The following ZNF423 variants were observed in gnomAD, a reference collection of about 807,000 sequenced individuals.
ZNF423 encodes the protein zinc finger protein 423.
In ZNF423, 12 loss-of-function variants were observed where a neutral mutation model predicts 95.8. That is an observed-to-expected ratio of 0.13 (90% CI 0.08 to 0.20). The LOEUF is 0.20. ZNF423 is among the 10% of genes least tolerant of loss of function. ZNF423 has a pLI of 1.00. For synonymous variants in ZNF423, 749 were observed against 711.9 expected (o/e 1.05, Z -0.83); for missense variants, 1,316 against 1,737.1 (o/e 0.76, Z 4.31).
intron 3 of ZNF423, among the ~76,000 whole-genome samples, chr16:49,705,748 A>G (rs913441652): frequency 6.6e-5 from 10 of 151,880 alleles, no homozygotes; most frequent in Admixed American, 4.6e-4. Context: ...GGGTTTCGCC[A>G]TGTTGGCTGG....
intron 2 of ZNF423, among the ~76,000 whole-genome samples, chr16:49,755,171 A>C (rs1301490091): frequency 6.6e-6 from 1 of 152,306 alleles, no homozygotes; most frequent in Non-Finnish European, 1.5e-5. Context: ...TGGAGCCAGA[A>C]TGCAAGACAG....
At chr16:49,565,545 C>T (rs1167922776) in intron 5 of ZNF423, among the ~76,000 whole-genome samples, 1 of 152,160 alleles carries the variant, frequency 6.6e-6, no homozygotes, top group African/African-American at 2.4e-5. Context: ...AGGAAGCAGG[C>T]TCAGCTTTGT....
chr16:49,538,535 T>A (rs1969136342), intron 5 of ZNF423, among the ~76,000 whole-genome samples: 1 of 152,170 alleles, frequency 6.6e-6, no homozygotes, highest in African/African-American at 2.4e-5. Flanking sequence ...ACAGCCATCA[T>A]TTCCCTCTCC....
chr16:49,737,432 G>A (rs768742873), intron 2 of ZNF423, among the ~76,000 whole-genome samples: 3 of 152,162 alleles, frequency 2.0e-5, no homozygotes, highest in Non-Finnish European at 2.9e-5. Context: ...ATCATGCCTG[G>A]CTAATTTTCA....
intron 1 of ZNF423, among the ~76,000 whole-genome samples, chr16:49,841,445 A>G (rs947622552): frequency 7.2e-5 from 11 of 152,222 alleles, no homozygotes; most frequent in Non-Finnish European, 1.5e-4. Flanking sequence ...TCCCCACCTC[A>G]GCAGTCAAAA....
At chr16:49,772,287 C>G (rs2034049262) in intron 2 of ZNF423, among the ~76,000 whole-genome samples, 1 of 152,256 alleles carries the variant, frequency 6.6e-6, no homozygotes, top group Admixed American at 6.5e-5. Flanking sequence ...TTCATTCTAT[C>G]CGGACCATCA....
At chr16:49,687,798 AT>A (rs1225085712) in intron 3 of ZNF423, among the ~76,000 whole-genome samples, 2 of 152,066 alleles carry the variant, frequency 1.3e-5, no homozygotes, top group Non-Finnish European at 2.9e-5. Flanking sequence ...CGTGCCTTTC[AT>A]TTCCCTCCCT....
At chr16:49,770,527 C>T (rs1326072990) in intron 2 of ZNF423, among the ~76,000 whole-genome samples, 4 of 151,998 alleles carry the variant, frequency 2.6e-5, no homozygotes, top group Admixed American at 1.3e-4. Context: ...AGCATGTGGT[C>T]GTCATAGGCT....
At chr16:49,804,343 C>T (rs1046243497) in intron 1 of ZNF423, among the ~76,000 whole-genome samples, 2 of 152,124 alleles carry the variant, frequency 1.3e-5, no homozygotes, top group Admixed American at 1.3e-4. Context: ...TCTTAAAAGT[C>T]CATGGGTCTC....
At chr16:49,786,205 G>C (rs1206282228) in intron 2 of ZNF423, among the ~76,000 whole-genome samples, 3 of 152,230 alleles carry the variant, frequency 2.0e-5, no homozygotes, top group Non-Finnish European at 4.4e-5. Flanking sequence ...TTCCCTGCCA[G>C]GCAAGGCCAG....
chr16:49,505,532 C>A (rs1024518933), intron 7 of ZNF423, among the ~76,000 whole-genome samples: 1 of 152,054 alleles, frequency 6.6e-6, no homozygotes, highest in Non-Finnish European at 1.5e-5. Context: ...TGGCCCAGCC[C>A]CCTTGCTGAC....
intron 5 of ZNF423, among the ~76,000 whole-genome samples, chr16:49,621,173 G>A (rs865913294): frequency 2.2e-4 from 34 of 152,178 alleles, no homozygotes; most frequent in African/African-American, 6.3e-4. Flanking sequence ...GGGTCAACCC[G>A]GCAGGAGGCC....
intron 1 of ZNF423, among the ~76,000 whole-genome samples, chr16:49,794,437 CCA>C (rs1477563634): frequency 1.3e-5 from 2 of 152,144 alleles, no homozygotes; most frequent in African/African-American, 4.8e-5. Context: ...TTGAGAATGG[CCA>C]CAGGCATTTT....
chr16:49,598,461 G>A (rs1216327744), intron 5 of ZNF423, among the ~76,000 whole-genome samples: 2 of 152,230 alleles, frequency 1.3e-5, no homozygotes, highest in Non-Finnish European at 2.9e-5. Context: ...CATTCCTGGG[G>A]GCAGAAGCAG....
At chr16:49,625,461 C>T (rs1015788481) in intron 5 of ZNF423, among the ~76,000 whole-genome samples, 3 of 152,180 alleles carry the variant, frequency 2.0e-5, no homozygotes, top group Non-Finnish European at 4.4e-5. Flanking sequence ...CCCAGGGTAC[C>T]AGGCTTCTTG....
At chr16:49,508,018 C>T (rs1209590194) in intron 7 of ZNF423, among the ~76,000 whole-genome samples, 1 of 152,132 alleles carries the variant, frequency 6.6e-6, no homozygotes, top group Non-Finnish European at 1.5e-5. Context: ...AGGACAGAAG[C>T]CGGGGCTGGT....
chr16:49,640,671 A>C (rs1418591437), intron 3 of ZNF423: 2 of 148,686 alleles, frequency 1.3e-5, no homozygotes, highest in Non-Finnish European at 3.0e-5. Context: ...ACCGGGATGC[A>C]TGCGGCTCTC....
intron 3 of ZNF423, among the ~76,000 whole-genome samples, chr16:49,689,267 C>A (rs1020514600): frequency 1.1e-3 from 98 of 87,164 alleles, no homozygotes; most frequent in African/African-American, 4.2e-3. Context: ...CATGGCAAGA[C>A]CCCATCTCTA....
intron 2 of ZNF423, among the ~76,000 whole-genome samples, chr16:49,787,495 A>G (rs1462280575): frequency 2.0e-5 from 3 of 152,114 alleles, no homozygotes; most frequent in African/African-American, 4.8e-5. Flanking sequence ...TACATGCACG[A>G]GGCATGCTCA....
Sources: gnomAD v4.1 joint callset for allele counts (sites outside exome capture counted in the v4.1 genomes callset) on GRCh38, gnomAD v4.1.1 for gene constraint, MANE v1.5 for transcripts, NCBI Gene and HGNC (gene_info 2026-07-23, HGNC 2026-07-21) for gene names.